Variants in PCDHGA9 observed in about 807,000 individuals in gnomAD.
PCDHGA9 encodes protocadherin gamma-A9.
In PCDHGA9, 37 loss-of-function variants were observed where a neutral mutation model predicts 62.5. The observed-to-expected ratio is 0.59, with a 90% confidence interval of 0.46 to 0.78. The LOEUF is 0.78. Ranked by LOEUF, PCDHGA9 falls within the 30% of genes least tolerant of loss-of-function variation. The pLI, the probability that PCDHGA9 is intolerant of heterozygous loss-of-function variation, is 0.00. For missense variants in PCDHGA9, 1,138 were observed against 1,166.2 expected (o/e 0.98, Z 0.35); for synonymous variants, 459 against 484.6 (o/e 0.95, Z 0.69).
At chr5:141,488,519 G>C (rs1210943979) in intron 1 of PCDHGA9, among the ~76,000 whole-genome samples, 1 of 152,184 alleles carries the variant, frequency 6.6e-6, no homozygotes, top group Non-Finnish European at 1.5e-5. Flanking sequence ...GGGGTCTGGG[G>C]TGTCAGAAAA....
Position 141,409,860 on chromosome 5 carries a change from G to A in PCDHGA9, c.2424+4484G>A, listed in dbSNP as rs764823576. On this transcript the variant is annotated intron_variant, in intron 1 of 3. Transcript: ENST00000573521. ...AACGTGAGCCTGCGCGTGTTGGTGG[G>A]AGACCGCAATGACAACGCACCGCGG... is the stretch of plus-strand genomic sequence containing the variant. The A allele has an allele frequency of 1.2e-5, 20 of 1,612,364 alleles. No homozygotes were observed. In the South Asian group the frequency reaches 1.8e-4, roughly 14 times the overall value.
chr5:141,415,786 A>ATT, intron 1 of PCDHGA9: 2 of 1,374,914 alleles, frequency 1.5e-6, no homozygotes, highest in Non-Finnish European at 1.9e-6. Flanking sequence ...TTCTGGTAAA[A>ATT]TTCACCTAGT....
At chr5:141,500,947 C>T (rs933082173) in intron 2 of PCDHGA9, among the ~76,000 whole-genome samples, 15 of 151,822 alleles carry the variant, frequency 9.9e-5, no homozygotes, top group African/African-American at 3.6e-4. Context: ...CGGCTCACTG[C>T]AAGCTCCACC....
At chr5:141,427,426 C>G (rs569185252) in intron 1 of PCDHGA9, 1 of 469,896 alleles carries the variant, frequency 2.1e-6, no homozygotes, top group Admixed American at 2.3e-5. Flanking sequence ...GGGGAGGTTA[C>G]ATGCCTCATA....
chr5:141,489,096 ACT>A lies in PCDHGA9; in HGVS notation c.2425-5710_2425-5709del. The A allele has an allele frequency of 2.0e-6, 1 of 494,278 alleles. No individual in the cohort carries two copies. The allele number at this position is 494,278 out of a possible 1,614,324, so 30.6% of individuals were successfully genotyped here. A position where few individuals can be genotyped will look rare whatever the true frequency, so the allele number is the denominator to read the frequency against. ...CACCCCCGCCACTCGGTGACTAAGA[ACT>A]GCTGCAAGCAGGCAAACCTCCGAGC... On this transcript the variant is annotated intron_variant, in intron 1 of 3. Coordinates refer to ENST00000573521, the MANE Select transcript of PCDHGA9 (RefSeq NM_018921.3). The surrounding 1 kb of genome is among the most constrained non-coding windows in gnomAD (Gnocchi z 4.5).
chr5:141,419,507 G>A (rs909984738), intron 1 of PCDHGA9: 2 of 1,612,198 alleles, frequency 1.2e-6, no homozygotes, highest in Non-Finnish European at 1.7e-6. Context: ...GAGCCTGCGC[G>A]TGTTGGTGGG....
In PCDHGA9 at chr5:141,405,166, A is replaced by G. The variant is rs1303146593; in HGVS notation, c.2214A>G (p.Ser738=). The G allele has an allele frequency of 9.3e-6, 15 of 1,613,862 alleles. No individual in the cohort carries two copies. In the East Asian group the frequency reaches 3.3e-4, roughly 36 times the overall value. The change falls in exon 1 of 4, where the codon TCA becomes TCG. Residue 738 remains serine (S), a synonymous_variant. Coordinates refer to ENST00000573521, the MANE Select transcript of PCDHGA9 (RefSeq NM_018921.3). ...TSDGLAGVPT[S]HFVGVDGVRA... Reference sequence around the variant, plus strand: ...ATGGGTTGGCTGGTGTGCCCACCTCACACTTTGTGGGTGTAGATGGGGTTC... The same window carrying G: ...ATGGGTTGGCTGGTGTGCCCACCTCGCACTTTGTGGGTGTAGATGGGGTTC...
At chr5:141,503,263 C>T (rs2099818883) in intron 2 of PCDHGA9, among the ~76,000 whole-genome samples, 2 of 152,212 alleles carry the variant, frequency 1.3e-5, no homozygotes, top group South Asian at 4.2e-4. Context: ...GCCACAACCC[C>T]AGCACCTGGC....
rs772617526 is a variant in PCDHGA9 at position 141,403,614 on chromosome 5, G to C, written c.662G>C (p.Arg221Pro). 6.2e-7 allele frequency: 1 copy of C among 1,613,860 alleles called. No individual in the cohort carries two copies. The highest frequency in any genetic ancestry group is 1.7e-5 in the Admixed American group (1 of 60,028). The change falls in exon 1 of 4, where the codon CGT (arginine) becomes CCT (proline). Residue 221 changes from arginine (R) to proline (P), a missense_variant. By Grantham distance (103) the Arg-to-Pro change is moderately radical (BLOSUM62 -2). Coordinates refer to ENST00000573521, the MANE Select transcript of PCDHGA9 (RefSeq NM_018921.3). ...VLTASDGGEP[R>P]RSSTVRIHVT... ...ACGGCCTCGGATGGCGGCGAGCCGC[G>C]TCGCTCCAGCACAGTGCGCATCCAT... is the stretch of plus-strand genomic sequence containing the variant.
In PCDHGA9 at chr5:141,402,903, A is replaced by C; in HGVS notation, c.-50A>C. 1 of 1,525,170 alleles carries C rather than the reference A, an allele frequency of 6.6e-7. No homozygotes were observed. The highest frequency in any genetic ancestry group is 2.3e-5 in the East Asian group (1 of 43,254). The allele number at this position is 1,525,170 out of a possible 1,614,324, so 94.5% of individuals were successfully genotyped here. ...GCAGGGTGGAAGAAAGAACCTGATG[A>C]AGCAGCGCGCACAGAGATCCTTTTG... On this transcript the variant is annotated 5_prime_UTR_variant, in exon 1 of 4. Transcript: ENST00000573521.
At position 141,512,133 on chromosome 5, in the gene PCDHGA9, G is replaced by C. The variant is rs1394116556; in HGVS notation, c.*960G>C. 1 of 152,708 alleles carries C rather than the reference G, an allele frequency of 6.5e-6. No homozygotes were observed. Among genetic ancestry groups the C allele is most frequent in the Non-Finnish European group, 1.5e-5 (1 of 68,102 alleles). The allele number at this position is 152,708 out of a possible 1,614,324, so 9.5% of individuals were successfully genotyped here. On this transcript the variant is annotated 3_prime_UTR_variant, in exon 4 of 4. Transcript: ENST00000573521. ...CCACTACATAATAGGGCTCAGCCCA[G>C]GCAGCCAGCTTTGGGCTGAGCTAAC...
chr5:141,462,431 T>G (rs1345184304), intron 1 of PCDHGA9, among the ~76,000 whole-genome samples: 1 of 152,246 alleles, frequency 6.6e-6, no homozygotes, highest in East Asian at 1.9e-4. Context: ...TGGTGAGTGT[T>G]GCTTACACAC....
intron 1 of PCDHGA9, among the ~76,000 whole-genome samples, chr5:141,466,627 C>G (rs1448245449): frequency 6.6e-6 from 1 of 152,154 alleles, no homozygotes; most frequent in African/African-American, 2.4e-5. Flanking sequence ...TTCTTTGGAG[C>G]ATTGTCTCCA....
Position 141,404,705 on chromosome 5 carries a change from G to A in PCDHGA9, c.1753G>A (p.Gly585Ser). The A allele has an allele frequency of 1.2e-6, 2 of 1,614,108 alleles. No homozygotes were observed. Among genetic ancestry groups the A allele is most frequent in the South Asian group, 2.2e-5 (2 of 91,080 alleles). Residue 585 changes from glycine to serine, a missense_variant, in exon 1 of 4, where the codon GGC (glycine) becomes AGC (serine). Transcript: ENST00000573521. The part of the protein sequence containing the change: ...VELAPRSAEP[G>S]YLVTKVVAVD... ...GCTGGCACCCCGCTCTGCAGAGCCT[G>A]GCTACCTGGTGACCAAGGTGGTGGC...
intron 1 of PCDHGA9, among the ~76,000 whole-genome samples, chr5:141,483,084 C>CA (rs898059463): frequency 8.0e-5 from 12 of 150,326 alleles, no homozygotes; most frequent in Admixed American, 2.0e-4. Context: ...GACTCCATCT[C>CA]AAAAAAAAAG....
chr5:141,459,076 C>T (rs1474375780), intron 1 of PCDHGA9, among the ~76,000 whole-genome samples: 1 of 152,144 alleles, frequency 6.6e-6, no homozygotes, highest in Non-Finnish European at 1.5e-5. Context: ...ATAAAATTTG[C>T]CTTTTAAAAT....
At chr5:141,420,284 TA>T in intron 1 of PCDHGA9, 2 of 1,505,934 alleles carry the variant, frequency 1.3e-6, no homozygotes, top group East Asian at 2.3e-5. Context: ...GGTAAGTATT[TA>T]AAAATGTATT....
chr5:141,475,749 A>G (rs1039777629), intron 1 of PCDHGA9, among the ~76,000 whole-genome samples: 13 of 152,278 alleles, frequency 8.5e-5, no homozygotes, highest in Admixed American at 6.5e-5. Context: ...TAGGTTTCCT[A>G]TGCACCGATA....
chr5:141,469,370 A>T (rs1453825795), intron 1 of PCDHGA9, among the ~76,000 whole-genome samples: 1 of 152,106 alleles, frequency 6.6e-6, no homozygotes, highest in Non-Finnish European at 1.5e-5. Flanking sequence ...AGGTAAAGAG[A>T]TCGAGACCAT....
Sources: allele counts gnomAD v4.1 joint callset (sites outside exome capture counted in the v4.1 genomes callset), GRCh38; gene constraint gnomAD v4.1.1; non-coding constraint Gnocchi (gnomAD v3.1); transcripts MANE v1.5; gene names NCBI Gene and HGNC (gene_info 2026-07-23, HGNC 2026-07-21).